LBH: variants seen among roughly 807,000 people sequenced by gnomAD.
LBH encodes protein LBH.
A neutral mutation model predicts 12.5 loss-of-function variants in LBH; 7 were observed. The ratio of observed to expected loss-of-function variants is 0.56; its 90% CI spans 0.32 to 1.05. The LOEUF is 1.05. Ranked by LOEUF, LBH falls within the 50% of genes least tolerant of loss-of-function variation. The pLI, the probability that LBH is intolerant of heterozygous loss-of-function variation, is 0.04. For synonymous variants in LBH, 51 were observed against 50.1 expected, an observed-to-expected ratio of 1.02 and a Z score of -0.08; for missense variants, 119 against 138.9, an observed-to-expected ratio of 0.86 and a Z score of 0.72.
intron 1 of LBH, chr2:30,232,593 A>T (rs1677612224): frequency 1.8e-5 from 3 of 169,056 alleles, no homozygotes; most frequent in African/African-American, 2.4e-5. Flanking sequence ...GCGCGCTCTC[A>T]GGTGCGGACG....
At chr2:30,247,783 A>G (rs1371054061) in intron 2 of LBH, among the ~76,000 whole-genome samples, 1 of 152,186 alleles carries the variant, frequency 6.6e-6, no homozygotes, top group Non-Finnish European at 1.5e-5. Context: ...CAAGGGCATT[A>G]ATTTTTTTTG....
intron 2 of LBH, 87 bp from the exon 3 acceptor site, chr2:30,257,346 G>A (rs563056011): frequency 3.4e-5 from 50 of 1,460,880 alleles, no homozygotes; most frequent in Non-Finnish European, 4.7e-5. Context: ...CATGCACCCA[G>A]TATGCCACAT....
At chr2:30,248,823 G>T (rs1277248575) in intron 2 of LBH, among the ~76,000 whole-genome samples, 1 of 152,230 alleles carries the variant, frequency 6.6e-6, no homozygotes, top group East Asian at 1.9e-4. Context: ...TGACTCGCAG[G>T]ATGGGTGTGT....
chr2:30,257,770 G>T lies in LBH; in HGVS notation c.*149G>T. The T allele has an allele frequency of 1.4e-5, 7 of 514,936 alleles. No homozygotes were observed. The highest frequency in any genetic ancestry group is 3.6e-5 in the East Asian group (1 of 28,088). 31.9% of individuals were successfully genotyped at this position (514,936 alleles called of 1,614,324 possible). On this transcript the variant is annotated 3_prime_UTR_variant, in exon 3 of 3. Coordinates refer to ENST00000395323, the MANE Select transcript of LBH (RefSeq NM_030915.4). ...TTTGCACCTGCAGATCACCGAGTTG[G>T]TTTTCTTTTCTTTTCTTGCCTTTTT...
At chr2:30,234,918 C>A (rs1040715258) in intron 2 of LBH, among the ~76,000 whole-genome samples, 1 of 152,116 alleles carries the variant, frequency 6.6e-6, no homozygotes, top group East Asian at 1.9e-4. Context: ...GCATTGCTGT[C>A]GGGGGCTTCT....
intron 2 of LBH, among the ~76,000 whole-genome samples, chr2:30,245,155 A>C (rs1309545209): frequency 6.6e-6 from 1 of 152,244 alleles, no homozygotes; most frequent in East Asian, 1.9e-4. Context: ...TATTACATCA[A>C]GAAAAAATTC....
chr2:30,257,413 C>G lies in LBH; in HGVS notation c.130-20C>G, dbSNP rs1488123405. ...TTCAAATATCTACGTGACCAGGCAC[C>G]TGCTCTGCTTTTCTTTCAGATCTTC... On this transcript the variant is annotated intron_variant, in intron 2 of 2. Transcript: ENST00000395323. The G allele has an allele frequency of 1.2e-6, 2 of 1,613,686 alleles. No homozygotes were observed. The highest frequency in any genetic ancestry group is 3.3e-5 in the Admixed American group (2 of 60,016).
chr2:30,231,811 T>G (rs1677589949), intron 1 of LBH, 47 bp downstream of exon 1: 4 of 1,518,550 alleles, frequency 2.6e-6, no homozygotes, highest in Non-Finnish European at 3.5e-6. Context: ...CGGCGGTGGC[T>G]GCGGGCCCGG....
At chr2:30,231,847 T>A (rs1677590667) in intron 1 of LBH, 83 bp downstream of exon 1, 1 of 1,261,400 alleles carries the variant, frequency 7.9e-7, no homozygotes. Context: ...CGGCTCCGGG[T>A]GCGAGGGCAG....
Position 30,231,665 on chromosome 2 carries a change from C to T in LBH, c.-74C>T, listed in dbSNP as rs761146149. On this transcript the variant is annotated 5_prime_UTR_variant, in exon 1 of 3. Coordinates refer to ENST00000395323, the MANE Select transcript of LBH (RefSeq NM_030915.4). ...GCCGCCTGCCGTGCCCGTCTGCGCC[C>T]GTGTCATCCTCACTCGGGACGCAGG... 6 of 1,466,464 alleles carry T rather than the reference C, an allele frequency of 4.1e-6. No homozygotes were observed. The highest frequency in any genetic ancestry group is 5.7e-6 in the Non-Finnish European group (6 of 1,056,562). 90.8% of individuals were successfully genotyped at this position (1,466,464 alleles called of 1,614,324 possible).
At chr2:30,246,856 C>T (rs970654192) in intron 2 of LBH, among the ~76,000 whole-genome samples, 43 of 137,850 alleles carry the variant, frequency 3.1e-4, no homozygotes, top group Non-Finnish European at 1.6e-5. Context: ...GCGTTTTGCT[C>T]TGTCACCCAG....
intron 1 of LBH, chr2:30,232,165 G>C (rs769613183): frequency 2.8e-6 from 4 of 1,448,816 alleles, no homozygotes; most frequent in Non-Finnish European, 3.7e-6. Context: ...TTGTTTGCAT[G>C]CAAGTCTCAA....
chr2:30,231,906 G>T, intron 1 of LBH, 142 bp downstream of exon 1: 1 of 374,682 alleles, frequency 2.7e-6, no homozygotes, highest in East Asian at 1.4e-4. Flanking sequence ...GCCCGTGCAG[G>T]AGTCAACGTC....
In LBH at chr2:30,257,649, C is replaced by A; in HGVS notation, c.*28C>A. The A allele has an allele frequency of 6.6e-7, 1 of 1,513,910 alleles. No individual in the cohort carries two copies. The highest frequency in any genetic ancestry group is 9.0e-7 in the Non-Finnish European group (1 of 1,111,316). 93.8% of individuals were successfully genotyped at this position (1,513,910 alleles called of 1,614,324 possible). On this transcript the variant is annotated 3_prime_UTR_variant, in exon 3 of 3. Transcript: ENST00000395323. ...TCCCTGTGGACTCCCATGGGTCATACCAGCCAGCATCTGTTCCTGAACTGT... is the reference window on the plus strand; with the variant it reads ...TCCCTGTGGACTCCCATGGGTCATAACAGCCAGCATCTGTTCCTGAACTGT...
Position 30,257,766 on chromosome 2 carries a change from G to T in LBH, c.*145G>T. On this transcript the variant is annotated 3_prime_UTR_variant, in exon 3 of 3. Transcript: ENST00000395323. ...CTGTTTTGCACCTGCAGATCACCGAGTTGGTTTTCTTTTCTTTTCTTGCCT... is the reference window on the plus strand; with the variant it reads ...CTGTTTTGCACCTGCAGATCACCGATTTGGTTTTCTTTTCTTTTCTTGCCT... 3 of 515,498 alleles carry T rather than the reference G, an allele frequency of 5.8e-6. No homozygotes were observed. Among genetic ancestry groups the T allele is most frequent in the South Asian group, 3.3e-5 (1 of 30,180 alleles). The allele number at this position is 515,498 out of a possible 1,614,324, so 31.9% of individuals were successfully genotyped here.
intron 2 of LBH, among the ~76,000 whole-genome samples, chr2:30,249,772 C>T (rs995233554): frequency 2.6e-5 from 4 of 152,188 alleles, no homozygotes; most frequent in African/African-American, 9.7e-5. Context: ...GGGACCCCAG[C>T]TTTACCTAGT....
At chr2:30,244,365 A>G (rs1427564709) in intron 2 of LBH, among the ~76,000 whole-genome samples, 2 of 152,150 alleles carry the variant, frequency 1.3e-5, no homozygotes, top group South Asian at 2.1e-4. Context: ...TTTTAACAAA[A>G]TGTTAAAATG....
intron 2 of LBH, among the ~76,000 whole-genome samples, chr2:30,255,646 G>C (rs1161280062): frequency 6.6e-6 from 1 of 152,224 alleles, no homozygotes; most frequent in African/African-American, 2.4e-5. Context: ...CCTGTGATGT[G>C]GTGAGAGTGT....
chr2:30,237,259 C>T (rs759977141), intron 2 of LBH, among the ~76,000 whole-genome samples: 19 of 152,346 alleles, frequency 1.2e-4, no homozygotes, highest in Admixed American at 2.6e-4. Flanking sequence ...GAAATAGGAT[C>T]TCAGGCTTGT....
Sources: allele counts gnomAD v4.1 joint callset (sites outside exome capture counted in the v4.1 genomes callset), GRCh38; gene constraint gnomAD v4.1.1; transcripts MANE v1.5; gene names NCBI Gene and HGNC (gene_info 2026-07-23, HGNC 2026-07-21).